Variants in CEP128 observed in about 807,000 individuals in gnomAD.
The protein encoded by CEP128 is centrosomal protein 128, also known as centrosomal protein 128kDa.
A neutral mutation model predicts 156.7 loss-of-function variants in CEP128; 132 were observed. The observed-to-expected ratio is 0.84, with a 90% CI of 0.73 to 0.97. The LOEUF is 0.97. Among genes scored for constraint, CEP128 ranks in the 50% least tolerant of loss-of-function variants. CEP128 has a pLI of 0.00. For synonymous variants in CEP128, 469 were observed against 448.9 expected, an observed-to-expected ratio of 1.04 and a Z score of -0.57; for missense variants, 1,252 against 1,281.9, an observed-to-expected ratio of 0.98 and a Z score of 0.36.
At position 80,793,078 on chromosome 14, in the gene CEP128, T is replaced by G. The variant is rs780779843; in HGVS notation, c.1242A>C (p.Lys414Asn). 3 of 1,612,934 alleles carry G rather than the reference T, an allele frequency of 1.9e-6. No individual in the cohort carries two copies. The Admixed American group carries it at 5.0e-5, about 27-fold the overall frequency. ...NLTRELENGE[K>N]QQLQMLDRLK... ...GTCGATCCAACATCTGCAGTTGCTG[T>G]TTTTCCCCATTCTCCAGTTCACGTG... Residue 414 changes from lysine (K) to asparagine (N), a missense_variant, in exon 14 of 25, where the codon AAA (lysine) becomes AAC (asparagine). By Grantham distance (94) the Lys-to-Asn change is moderately conservative. Coordinates refer to ENST00000555265, the MANE Select transcript of CEP128 (RefSeq NM_152446.5).
intron 8 of CEP128, among the ~76,000 whole-genome samples, chr14:80,873,364 G>A (rs1224873801): frequency 6.6e-6 from 1 of 152,142 alleles, no homozygotes; most frequent in Non-Finnish European, 1.5e-5. Context: ...TAAATACAAA[G>A]TAAAACTGTA....
chr14:80,720,321 T>C (rs1192507969), intron 19 of CEP128, among the ~76,000 whole-genome samples: 4 of 152,098 alleles, frequency 2.6e-5, no homozygotes, highest in Non-Finnish European at 4.4e-5. Context: ...AAGTGCACGG[T>C]CCATTGAAAG....
intron 19 of CEP128, among the ~76,000 whole-genome samples, chr14:80,715,032 G>A (rs1897552700): frequency 6.6e-6 from 1 of 152,076 alleles, no homozygotes; most frequent in African/African-American, 2.4e-5. Context: ...GGACCAGCCT[G>A]GGCAACATGG....
At chr14:80,512,421 G>A (rs765589598) in intron 23 of CEP128, among the ~76,000 whole-genome samples, 1 of 151,792 alleles carries the variant, frequency 6.6e-6, no homozygotes, top group Non-Finnish European at 1.5e-5. Flanking sequence ...TTGGGTTTCT[G>A]TTTGCATGAA....
At chr14:80,837,640 C>T (rs191416841) in intron 11 of CEP128, among the ~76,000 whole-genome samples, 202 of 152,268 alleles carry the variant, frequency 1.3e-3, no homozygotes, top group Admixed American at 2.0e-3. Context: ...CGCTTGAACC[C>T]GGGAGGCTGA....
chr14:80,733,056 CAT>C (rs1475217110), intron 19 of CEP128, among the ~76,000 whole-genome samples: 1 of 152,126 alleles, frequency 6.6e-6, no homozygotes, highest in Non-Finnish European at 1.5e-5. Flanking sequence ...CGAAAAAAAG[CAT>C]ATTGCCTCCA....
Position 80,757,075 on chromosome 14 carries a change from T to C in CEP128, c.2554-124A>G, listed in dbSNP as rs10149433. On this transcript the variant is annotated intron_variant, in intron 17 of 24. Transcript: ENST00000555265. ...CAATTTAAGGATTTAAAAAGAAAAA[T>C]TGTTGCCCCAAATACTCAACCAGTT... 13,782 of 634,226 alleles carry C rather than the reference T, an allele frequency of 0.022. 1,396 individuals are homozygous for C. The African/African-American group carries it at 0.23, about 10-fold the overall frequency. 39.3% of individuals were successfully genotyped at this position (634,226 alleles called of 1,614,324 possible). A position where few individuals can be genotyped will look rare whatever the true frequency, so the allele number is the denominator to read the frequency against.
At chr14:80,703,939 C>T (rs986718312) in intron 19 of CEP128, among the ~76,000 whole-genome samples, 1 of 152,012 alleles carries the variant, frequency 6.6e-6, no homozygotes, top group African/African-American at 2.4e-5. Flanking sequence ...TCCCTTCCTC[C>T]CTATTTTTCT....
At chr14:80,793,917 A>C (rs1252144246) in intron 13 of CEP128, among the ~76,000 whole-genome samples, 1 of 152,220 alleles carries the variant, frequency 6.6e-6, no homozygotes, top group East Asian at 1.9e-4. Flanking sequence ...ATACAAATAA[A>C]ATAATCATTA....
chr14:80,529,561 A>G (rs1889131559), intron 22 of CEP128, among the ~76,000 whole-genome samples: 1 of 152,200 alleles, frequency 6.6e-6, no homozygotes, highest in African/African-American at 2.4e-5. Context: ...TAAGACAGGT[A>G]TCTATTTCTC....
At chr14:80,929,962 A>G (rs898209008) in intron 2 of CEP128, among the ~76,000 whole-genome samples, 7 of 152,324 alleles carry the variant, frequency 4.6e-5, no homozygotes, top group South Asian at 2.1e-4. Context: ...GCAAAGTTTC[A>G]TCTGTATTTA....
At chr14:80,815,093 T>C (rs532924454) in intron 13 of CEP128, among the ~76,000 whole-genome samples, 1 of 152,128 alleles carries the variant, frequency 6.6e-6, no homozygotes, top group East Asian at 1.9e-4. Flanking sequence ...AAAAAACTTC[T>C]GCACAGCAAA....
At chr14:80,514,508 C>A (rs991528222) in intron 23 of CEP128, among the ~76,000 whole-genome samples, 1 of 152,058 alleles carries the variant, frequency 6.6e-6, no homozygotes, top group Non-Finnish European at 1.5e-5. Context: ...TTTTGAGTCA[C>A]TCTGATGCAT....
chr14:80,683,033 A>G (rs1896384201), intron 19 of CEP128, among the ~76,000 whole-genome samples: 1 of 152,094 alleles, frequency 6.6e-6, no homozygotes, highest in Non-Finnish European at 1.5e-5. Flanking sequence ...TCACTTAAGT[A>G]CATAGCTCAC....
chr14:80,556,569 T>C (rs1274782904), intron 21 of CEP128, among the ~76,000 whole-genome samples: 5 of 152,168 alleles, frequency 3.3e-5, no homozygotes, highest in Non-Finnish European at 7.4e-5. Context: ...CCTAAGCAGA[T>C]AGATAATTGG....
At chr14:80,817,169 C>A (rs1233023002) in intron 13 of CEP128, among the ~76,000 whole-genome samples, 2 of 152,098 alleles carry the variant, frequency 1.3e-5, no homozygotes, top group Non-Finnish European at 2.9e-5. Flanking sequence ...TGGCTACACA[C>A]TGCAGGGAAA....
intron 9 of CEP128, among the ~76,000 whole-genome samples, chr14:80,856,720 C>CTTTTTTTTTTT (rs766724436): frequency 1.5e-4 from 10 of 65,188 alleles, no homozygotes; most frequent in South Asian, 5.6e-4. Flanking sequence ...TTTTTCTTTT[C>CTTTTTTTTTTT]TTTTTTTTTT....
At chr14:80,912,804 T>C (rs1884325214) in intron 4 of CEP128, among the ~76,000 whole-genome samples, 1 of 152,098 alleles carries the variant, frequency 6.6e-6, no homozygotes, top group East Asian at 1.9e-4. Context: ...CAATTACAAC[T>C]TGGGAGTTAC....
In CEP128 at chr14:80,812,102, C is replaced by A. The variant is rs1166011954; in HGVS notation, c.1210-18992G>T. 2.0e-5 allele frequency among the ~76,000 whole-genome samples: 3 copies of A among 152,098 alleles called. No individual in the cohort carries two copies. The East Asian group carries it at 5.8e-4, about 29-fold the overall frequency. On this transcript the variant is annotated intron_variant, in intron 13 of 24. Coordinates refer to ENST00000555265, the MANE Select transcript of CEP128 (RefSeq NM_152446.5). Reference sequence around the variant, plus strand: ...AGTGTCTATTGTTCCTTTCTTTGAGCCCATGTGTAATCACTGTTTAGCTCC... The same window carrying A: ...AGTGTCTATTGTTCCTTTCTTTGAGACCATGTGTAATCACTGTTTAGCTCC...
Sources: allele counts gnomAD v4.1 joint callset (sites outside exome capture counted in the v4.1 genomes callset), GRCh38; gene constraint gnomAD v4.1.1; transcripts MANE v1.5; gene names NCBI Gene and HGNC (gene_info 2026-07-23, HGNC 2026-07-21).